Variants in ASF1A observed in about 807,000 individuals in gnomAD.
ASF1A encodes the protein anti-silencing function 1A histone chaperone, also known as histone chaperone ASF1A.
A neutral mutation model predicts 22.0 loss-of-function variants in ASF1A; 5 were observed. The ratio of observed to expected loss-of-function variants is 0.23; its 90% CI spans 0.12 to 0.48. The LOEUF (loss-of-function observed/expected upper bound fraction) is 0.48. Ranked by LOEUF, ASF1A falls within the 20% of genes least tolerant of loss-of-function variation. The probability of loss-of-function intolerance (pLI) is 0.99; values close to 1 mark genes in which losing one functional copy is unlikely to be tolerated. For missense variants in ASF1A, 137 were observed against 240.6 expected, an observed-to-expected ratio of 0.57 and a Z score of 2.85; for synonymous variants, 97 against 86.7, an observed-to-expected ratio of 1.12 and a Z score of -0.66.
At chr6:118,894,574 G>C (rs1779213339) in intron 1 of ASF1A, 52 bp downstream of exon 1, 1 of 1,448,050 alleles carries the variant, frequency 6.9e-7, no homozygotes, top group Admixed American at 2.0e-5. Flanking sequence ...TGCAGACGTT[G>C]AAAGTTTCCC....
chr6:118,902,275 A>G lies in ASF1A; in HGVS notation c.225+1394A>G, dbSNP rs537199655. ...ACCTCTCTAACCTCCTCCCTTAGTC[A>G]TTCCAGTCTTCTATAAAATGTGGAT... On this transcript the variant is annotated intron_variant, in intron 2 of 3. Transcript: ENST00000229595. 4.6e-5 allele frequency among the ~76,000 whole-genome samples: 7 copies of G among 152,310 alleles called. No individual in the cohort carries two copies. The South Asian group carries it at 1.5e-3, about 32-fold the overall frequency.
chr6:118,900,131 G>A (rs1211789227), intron 1 of ASF1A, among the ~76,000 whole-genome samples: 1 of 152,176 alleles, frequency 6.6e-6, no homozygotes, highest in Non-Finnish European at 1.5e-5. Context: ...TAAAGATCTT[G>A]GTTTCCTCTG....
intron 2 of ASF1A, among the ~76,000 whole-genome samples, chr6:118,904,711 G>A (rs1401123544): frequency 6.6e-6 from 1 of 152,166 alleles, no homozygotes; most frequent in Non-Finnish European, 1.5e-5. Flanking sequence ...ACCTTCACTG[G>A]TTTCCACATT....
intron 1 of ASF1A, among the ~76,000 whole-genome samples, chr6:118,896,639 T>G (rs544152862): frequency 2.0e-5 from 3 of 152,298 alleles, no homozygotes; most frequent in African/African-American, 7.2e-5. Context: ...AGCATTTATT[T>G]AGTATTTTAA....
chr6:118,894,970 G>A (rs1161206563), intron 1 of ASF1A, among the ~76,000 whole-genome samples: 1 of 152,162 alleles, frequency 6.6e-6, no homozygotes, highest in Non-Finnish European at 1.5e-5. Flanking sequence ...CCCGAGTCGA[G>A]AATTGGGCCA....
chr6:118,907,681 CGTAA>C lies in ASF1A; in HGVS notation c.*71_*74del. Reference sequence around the variant, plus strand: ...ACACAGAACTATTTCCCTGAAATTCCGTAAGTACATAGTCAAAACACAATGTGAA... The same window carrying C: ...ACACAGAACTATTTCCCTGAAATTCCGTACATAGTCAAAACACAATGTGAA... On this transcript the variant is annotated 3_prime_UTR_variant, in exon 4 of 4. Coordinates refer to ENST00000229595, the MANE Select transcript of ASF1A (RefSeq NM_014034.3). 13 of 1,262,664 alleles carry C rather than the reference CGTAA, an allele frequency of 1.0e-5. No homozygotes were observed. Among genetic ancestry groups the C allele is most frequent in the Non-Finnish European group, 1.3e-5 (11 of 877,750 alleles). 78.2% of individuals were successfully genotyped at this position (1,262,664 alleles called of 1,614,324 possible).
At chr6:118,906,064 A>G (rs771252104) in intron 3 of ASF1A, among the ~76,000 whole-genome samples, 2 of 152,106 alleles carry the variant, frequency 1.3e-5, no homozygotes, top group Non-Finnish European at 2.9e-5. Context: ...TCTGGTTTAG[A>G]AAAATGAAAG....
chr6:118,894,391 ATTGT>A lies in ASF1A; in HGVS notation c.-18_-15del, dbSNP rs759693642. ...TGTGCCGCAACCAGCCCCAGTTCCC[ATTGT>A]TTGTGTTTTTTTCAAAATATGGCAA... On this transcript the variant is annotated 5_prime_UTR_variant, in exon 1 of 4. Coordinates refer to ENST00000229595, the MANE Select transcript of ASF1A (RefSeq NM_014034.3). 10 of 1,536,326 alleles carry A rather than the reference ATTGT, an allele frequency of 6.5e-6. No homozygotes were observed. Among genetic ancestry groups the A allele is most frequent in the South Asian group, 3.6e-5 (3 of 84,004 alleles).
At chr6:118,907,233 C>T (rs1164012364) in intron 3 of ASF1A, among the ~76,000 whole-genome samples, 169 bp from the exon 4 acceptor site, 2 of 152,122 alleles carry the variant, frequency 1.3e-5, no homozygotes, top group East Asian at 1.9e-4. Context: ...CAGCCCTAGT[C>T]GTTACATCTT....
intron 1 of ASF1A, among the ~76,000 whole-genome samples, chr6:118,895,917 A>G (rs902764647): frequency 3.3e-5 from 5 of 152,082 alleles, no homozygotes; most frequent in Non-Finnish European, 7.4e-5. Context: ...AAAACAATAT[A>G]TATTCATTGT....
At chr6:118,907,228 C>T (rs962194495) in intron 3 of ASF1A, among the ~76,000 whole-genome samples, 174 bp from the exon 4 acceptor site, 4 of 152,110 alleles carry the variant, frequency 2.6e-5, no homozygotes, top group African/African-American at 9.7e-5. Flanking sequence ...TGCTACAGCC[C>T]TAGTCGTTAC....
intron 2 of ASF1A, 37 bp from the exon 3 acceptor site, chr6:118,905,613 TTG>T (rs751946943): frequency 1.3e-4 from 199 of 1,518,610 alleles, no homozygotes; most frequent in Middle Eastern, 1.7e-4. Context: ...TAACAGCCTT[TTG>T]TGTGTGTGTG....
chr6:118,896,211 C>CT, intron 1 of ASF1A, among the ~76,000 whole-genome samples: 1 of 152,172 alleles, frequency 6.6e-6, no homozygotes, highest in South Asian at 2.1e-4. Flanking sequence ...TATGATACTA[C>CT]TATTAATATA....
At chr6:118,895,465 C>G (rs951467966) in intron 1 of ASF1A, among the ~76,000 whole-genome samples, 1 of 152,206 alleles carries the variant, frequency 6.6e-6, no homozygotes, top group Non-Finnish European at 1.5e-5. Flanking sequence ...GGAAGACTTT[C>G]TTCAAGACCG....
chr6:118,902,583 T>C (rs1779878830), intron 2 of ASF1A, among the ~76,000 whole-genome samples: 1 of 151,442 alleles, frequency 6.6e-6, no homozygotes, highest in Admixed American at 6.6e-5. Context: ...TGCCTTGTTA[T>C]TGAAACAAAC....
chr6:118,903,692 G>A (rs899604621), intron 2 of ASF1A, among the ~76,000 whole-genome samples: 12 of 152,184 alleles, frequency 7.9e-5, no homozygotes, highest in Admixed American at 1.3e-4. Flanking sequence ...GGATGTGAGC[G>A]AAGGACCTTT....
intron 2 of ASF1A, among the ~76,000 whole-genome samples, chr6:118,905,001 C>A (rs553537345): frequency 4.5e-4 from 68 of 152,224 alleles, no homozygotes; most frequent in Middle Eastern, 6.8e-3. Flanking sequence ...CCATGCCCAG[C>A]TAATTTTTGT....
chr6:118,896,448 G>T (rs1779420789), intron 1 of ASF1A, among the ~76,000 whole-genome samples: 1 of 152,134 alleles, frequency 6.6e-6, no homozygotes, highest in Non-Finnish European at 1.5e-5. Flanking sequence ...GATGACTCAG[G>T]ATGTCGTTAC....
At chr6:118,897,542 C>A (rs1779509065) in intron 1 of ASF1A, among the ~76,000 whole-genome samples, 1 of 152,090 alleles carries the variant, frequency 6.6e-6, no homozygotes, top group South Asian at 2.1e-4. Context: ...TCAGCTTGTT[C>A]TAATTCCAAA....
Sources: allele counts gnomAD v4.1 joint callset (sites outside exome capture counted in the v4.1 genomes callset), GRCh38; gene constraint gnomAD v4.1.1; transcripts MANE v1.5; gene names NCBI Gene and HGNC (gene_info 2026-07-23, HGNC 2026-07-21).